Variants in SPIRE2 observed in about 807,000 individuals in gnomAD.
SPIRE2 encodes spire type actin nucleation factor 2.
SPIRE2 carries 76 observed loss-of-function variants against 80.7 expected under a neutral mutation model. The observed-to-expected ratio is 0.94, with a 90% CI of 0.78 to 1.14. The LOEUF (loss-of-function observed/expected upper bound fraction) is 1.14, where lower values mean the gene tolerates loss of function less well. Among genes scored for constraint, SPIRE2 ranks in the 50% most tolerant of loss-of-function variants. SPIRE2 has a pLI of 0.00. For missense variants in SPIRE2, 1,196 were observed against 1,015.3 expected (o/e 1.18, Z -2.42); for synonymous variants, 535 against 432.6 (o/e 1.24, Z -2.94).
intron 10 of SPIRE2, chr16:89,862,690 C>A (rs1407290172): frequency 1.3e-5 from 2 of 152,296 alleles, no homozygotes; most frequent in East Asian, 3.8e-4. Context: ...GCAAGGGCCC[C>A]GCTCCCCCCA....
chr16:89,831,235 C>T (rs1057016294), intron 1 of SPIRE2, among the ~76,000 whole-genome samples: 3 of 150,548 alleles, frequency 2.0e-5, no homozygotes, highest in South Asian at 2.1e-4. Flanking sequence ...ACATCTCAGA[C>T]GTGGTGCTAA....
In SPIRE2 at chr16:89,863,432, G is replaced by A. The variant is rs781776476; in HGVS notation, c.1576-44G>A. On this transcript the variant is annotated intron_variant, in intron 10 of 14. Transcript: ENST00000378247. The surrounding 1 kb of genome is among the most constrained non-coding windows in gnomAD (Gnocchi z 4.3). ...CTCAGGGAAGGAGAGTAAGCTAGGG[G>A]AGCCTCCTGCATAGAAGACTTCCTA... 4 of 1,610,764 alleles carry A rather than the reference G, an allele frequency of 2.5e-6. No homozygotes were observed. Among genetic ancestry groups the A allele is most frequent in the Non-Finnish European group, 3.4e-6 (4 of 1,178,102 alleles).
chr16:89,830,165 G>C (rs749697385), intron 1 of SPIRE2, among the ~76,000 whole-genome samples: 1 of 151,192 alleles, frequency 6.6e-6, no homozygotes, highest in African/African-American at 2.4e-5. Context: ...CTTCCTGTTG[G>C]TGCTGTGCAA....
chr16:89,828,623 G>A lies in SPIRE2; in HGVS notation c.73G>A (p.Glu25Lys). 1 of 1,332,230 alleles carries A rather than the reference G, an allele frequency of 7.5e-7. No individual in the cohort carries two copies. The allele number at this position is 1,332,230 out of a possible 1,614,324, so 82.5% of individuals were successfully genotyped here. A position where few individuals can be genotyped will look rare whatever the true frequency, so the allele number is the denominator to read the frequency against. The change falls in exon 1 of 15, where the codon GAG becomes AAG. Residue 25 changes from glutamate to lysine, a missense_variant. By Grantham distance (56) the Glu-to-Lys change is moderately conservative. Coordinates refer to ENST00000378247, the MANE Select transcript of SPIRE2 (RefSeq NM_032451.2). This position sits in a 1 kb window ranked among gnomAD's most constrained non-coding sequence, Gnocchi z 5.9. ...GRPEPWELSL[E>K]EVLKAYEQPL... is the part of the protein sequence containing the mutation. ...GCCGGAGCCCTGGGAGCTGTCCCTG[G>A]AGGAGGTGCTGAAGGCCTACGAGCA...
chr16:89,860,606 C>T (rs2041734226), intron 9 of SPIRE2, 77 bp from the exon 10 acceptor site: 1 of 1,017,126 alleles, frequency 9.8e-7, no homozygotes. Context: ...TCCACCATCT[C>T]TATCATCCCC....
intron 12 of SPIRE2, among the ~76,000 whole-genome samples, chr16:89,867,114 T>C (rs900084701): frequency 5.4e-5 from 8 of 148,276 alleles, no homozygotes; most frequent in African/African-American, 1.5e-4. Flanking sequence ...AGTGTGCAAG[T>C]TTTTTTTTTG....
intron 2 of SPIRE2, chr16:89,850,037 C>A: frequency 1.8e-6 from 1 of 566,432 alleles, no homozygotes; most frequent in South Asian, 1.8e-5. Context: ...GGGGTTTCAT[C>A]ATGTTGGTCA....
chr16:89,840,881 C>G (rs1253025369), intron 1 of SPIRE2, among the ~76,000 whole-genome samples: 1 of 151,984 alleles, frequency 6.6e-6, no homozygotes. Context: ...TCATGATCCG[C>G]CTGCCTCGGC....
intron 1 of SPIRE2, among the ~76,000 whole-genome samples, chr16:89,833,628 T>C (rs1274468406): frequency 6.6e-6 from 1 of 152,184 alleles, no homozygotes; most frequent in Non-Finnish European, 1.5e-5. Flanking sequence ...CTCCGTGAAA[T>C]GGGAGGTGCA....
intron 2 of SPIRE2, among the ~76,000 whole-genome samples, chr16:89,848,299 C>T (rs1020134699): frequency 1.3e-5 from 2 of 152,214 alleles, no homozygotes; most frequent in African/African-American, 4.8e-5. Context: ...TGCTGCAGCG[C>T]CCTCTGACCT....
At chr16:89,854,249 G>A (rs368521165) in intron 3 of SPIRE2, 37 bp from the exon 4 acceptor site, 218 of 1,598,358 alleles carry the variant, frequency 1.4e-4, no homozygotes, top group Non-Finnish European at 1.6e-4. Flanking sequence ...TGCCATTCTC[G>A]TACCTCCCCT....
chr16:89,869,559 T>A lies in SPIRE2; in HGVS notation c.1807-8T>A. 6.3e-7 allele frequency: 1 copy of A among 1,587,000 alleles called. No individual in the cohort carries two copies. Among genetic ancestry groups the A allele is most frequent in the Non-Finnish European group, 8.7e-7 (1 of 1,155,614 alleles). On this transcript the variant is annotated splice_region_variant and splice_polypyrimidine_tract_variant and intron_variant, in intron 13 of 14. Transcript: ENST00000378247. The stretch of plus-strand genomic sequence containing the variant: ...GCCTGGTTCATACCTCCTCCCTCTG[T>A]GCTGCAGATGAAGATGCCTTCTAAG...
intron 1 of SPIRE2, 29 bp from the exon 2 acceptor site, chr16:89,845,293 A>C: frequency 3.7e-6 from 6 of 1,613,144 alleles, no homozygotes; most frequent in East Asian, 4.5e-5. Context: ...GGATGCTGAC[A>C]AATAACTTAA....
At chr16:89,833,952 G>T (rs2041413535) in intron 1 of SPIRE2, among the ~76,000 whole-genome samples, 1 of 152,172 alleles carries the variant, frequency 6.6e-6, no homozygotes, top group African/African-American at 2.4e-5. Context: ...AGCTGGGTGT[G>T]TCTCTGTGTG....
intron 2 of SPIRE2, among the ~76,000 whole-genome samples, chr16:89,848,027 A>G (rs1027748165): frequency 1.3e-5 from 2 of 152,190 alleles, no homozygotes; most frequent in East Asian, 1.9e-4. Context: ...CCACGCGACC[A>G]GGGACAGCAC....
Position 89,851,021 on chromosome 16 carries a change from A to T in SPIRE2, c.645+361A>T, listed in dbSNP as rs138776790. 1.6e-3 allele frequency among the ~76,000 whole-genome samples: 240 copies of T among 152,070 alleles called. 1 individual carries two copies. Among genetic ancestry groups the T allele is most frequent in the African/African-American group, 5.1e-3 (213 of 41,484 alleles). On this transcript the variant is annotated intron_variant, in intron 3 of 14. Transcript: ENST00000378247. ...CTGGTAGTAGAGACGGGGTTTCACC[A>T]TGTTGGCCAAGCTGGTCTCGAACTC...
intron 7 of SPIRE2, 152 bp downstream of exon 7, chr16:89,856,388 A>G (rs1644605903): frequency 3.0e-6 from 2 of 671,744 alleles, no homozygotes; most frequent in Non-Finnish European, 4.3e-6. Context: ...TGAGGCACAC[A>G]GGCTTTTGAA....
At chr16:89,847,203 C>G (rs1306792013) in intron 2 of SPIRE2, 2 of 152,182 alleles carry the variant, frequency 1.3e-5, no homozygotes, top group Non-Finnish European at 2.9e-5. Flanking sequence ...CGTGGAGAAC[C>G]TCGGGGCGGG....
Position 89,863,926 on chromosome 16 carries a change from C to A in SPIRE2, c.1778+65C>A. 7.9e-7 allele frequency: 1 copy of A among 1,266,766 alleles called. No individual in the cohort carries two copies. The highest frequency in any genetic ancestry group is 1.1e-6 in the Non-Finnish European group (1 of 886,712). 78.5% of individuals were successfully genotyped at this position (1,266,766 alleles called of 1,614,324 possible). A position where few individuals can be genotyped will look rare whatever the true frequency, so the allele number is the denominator to read the frequency against. On this transcript the variant is annotated intron_variant, in intron 12 of 14. Transcript: ENST00000378247. This position sits in a 1 kb window ranked among gnomAD's most constrained non-coding sequence, Gnocchi z 4.3. ...GGAGGCGAGAAACCTCGGGGCAGTA[C>A]CGCCCACAGAACTTCCTGTGATTCC...
Sources: allele counts gnomAD v4.1 joint callset (sites outside exome capture counted in the v4.1 genomes callset), GRCh38; gene constraint gnomAD v4.1.1; non-coding constraint Gnocchi (gnomAD v3.1); transcripts MANE v1.5; gene names NCBI Gene and HGNC (gene_info 2026-07-23, HGNC 2026-07-21).